Variants in RSPO2 observed in about 807,000 individuals in gnomAD.
RSPO2 encodes R-spondin 2.
In RSPO2, 14 loss-of-function variants were observed where a neutral mutation model predicts 30.9. The observed-to-expected ratio is 0.45, with a 90% CI of 0.30 to 0.71. The LOEUF (loss-of-function observed/expected upper bound fraction) is 0.71, where lower values mean the gene tolerates loss of function less well. Among genes scored for constraint, RSPO2 ranks in the 30% least tolerant of loss-of-function variants. RSPO2 has a pLI of 0.08. For synonymous variants in RSPO2, 107 were observed against 96.4 expected (o/e 1.11, Z -0.64); for missense variants, 264 against 301.9 (o/e 0.87, Z 0.93).
chr8:107,927,258 C>T (rs1473477825), intron 5 of RSPO2, among the ~76,000 whole-genome samples: 1 of 152,168 alleles, frequency 6.6e-6, no homozygotes, highest in Non-Finnish European at 1.5e-5. Flanking sequence ...TATCCTGAGA[C>T]TTTGCTGAAG....
chr8:107,974,791 T>C (rs1814152149), intron 3 of RSPO2, among the ~76,000 whole-genome samples: 2 of 152,094 alleles, frequency 1.3e-5, no homozygotes, highest in Non-Finnish European at 2.9e-5. Context: ...TTAATTAGTT[T>C]AAAGGAACAT....
chr8:107,964,254 C>T (rs1813724537), intron 3 of RSPO2, among the ~76,000 whole-genome samples: 1 of 152,170 alleles, frequency 6.6e-6, no homozygotes, highest in African/African-American at 2.4e-5. Context: ...TTCATTCATT[C>T]ATTTAGAGAC....
chr8:107,984,079 CT>C, intron 3 of RSPO2: 1 of 508,902 alleles, frequency 2.0e-6, no homozygotes, highest in African/African-American at 2.0e-5. Context: ...AATGCTTCAT[CT>C]GGTGGACTGT....
chr8:108,045,238 CAAAT>C (rs1349107254), intron 2 of RSPO2, among the ~76,000 whole-genome samples: 1 of 151,884 alleles, frequency 6.6e-6, no homozygotes, highest in African/African-American at 2.4e-5. Context: ...CAAGAAAAAA[CAAAT>C]AACTCCATTA....
chr8:107,995,960 C>T (rs771541272), intron 2 of RSPO2, among the ~76,000 whole-genome samples: 1 of 151,976 alleles, frequency 6.6e-6, no homozygotes, highest in African/African-American at 2.4e-5. Context: ...CATAGCTGAC[C>T]AAAAATAAGC....
intron 2 of RSPO2, among the ~76,000 whole-genome samples, chr8:108,064,372 A>G (rs10104438): frequency 0.43 from 65,654 of 152,130 alleles, 18,412 homozygotes; most frequent in African/African-American, 0.81. Flanking sequence ...GGATATGAAC[A>G]GATACTTCTC....
Position 107,901,050 on chromosome 8 carries a change from C to G in RSPO2, c.*25G>C, listed in dbSNP as rs747704955. 6.2e-6 allele frequency: 10 copies of G among 1,609,622 alleles called. No individual in the cohort carries two copies. The highest frequency in any genetic ancestry group is 1.7e-5 in the Admixed American group (1 of 58,778). On this transcript the variant is annotated 3_prime_UTR_variant, in exon 6 of 6. Coordinates refer to ENST00000276659, the MANE Select transcript of RSPO2 (RefSeq NM_178565.5). The stretch of plus-strand genomic sequence containing the variant: ...TGCACATTTGCAAAAACAAAAACCC[C>G]TAAAAATCTACCGGATCTCTTGTTT...
intron 5 of RSPO2, among the ~76,000 whole-genome samples, chr8:107,913,598 C>A (rs140554138): frequency 6.6e-6 from 1 of 152,136 alleles, no homozygotes; most frequent in African/African-American, 2.4e-5. Context: ...GCATACCTCA[C>A]GATTATTAGA....
At chr8:107,934,442 G>A (rs1253921965) in intron 5 of RSPO2, among the ~76,000 whole-genome samples, 4 of 150,972 alleles carry the variant, frequency 2.6e-5, no homozygotes, top group Admixed American at 1.3e-4. Context: ...GCATGATCTC[G>A]GCTCACTGCA....
intron 2 of RSPO2, among the ~76,000 whole-genome samples, chr8:108,037,421 CT>C (rs1045920546): frequency 1.3e-5 from 2 of 152,154 alleles, no homozygotes; most frequent in Admixed American, 6.5e-5. Context: ...AAATTTGAAG[CT>C]AGCAGAGGTT....
At chr8:108,069,200 A>AACACACACACAC (rs56977468) in intron 2 of RSPO2, among the ~76,000 whole-genome samples, 26 of 148,368 alleles carry the variant, frequency 1.8e-4, no homozygotes, top group Non-Finnish European at 3.9e-4. Context: ...TGTATGTGTG[A>AACACACACACAC]ACACACACAC....
chr8:107,948,196 T>C (rs1331182087), intron 5 of RSPO2, among the ~76,000 whole-genome samples: 1 of 152,208 alleles, frequency 6.6e-6, no homozygotes, highest in Non-Finnish European at 1.5e-5. Context: ...GGCTATAAAC[T>C]CTCTTGTTTG....
At chr8:107,988,933 A>G in intron 3 of RSPO2, 123 bp downstream of exon 3, 1 of 905,886 alleles carries the variant, frequency 1.1e-6, no homozygotes, top group South Asian at 1.9e-5. Flanking sequence ...CAGCAAGCTT[A>G]AACTATTTCT....
intron 2 of RSPO2, among the ~76,000 whole-genome samples, chr8:108,055,076 G>T (rs1020122668): frequency 1.3e-5 from 2 of 152,114 alleles, no homozygotes; most frequent in Non-Finnish European, 2.9e-5. Flanking sequence ...AGCTGAGATC[G>T]CACCACTGCA....
At chr8:107,904,610 A>G (rs1051915027) in intron 5 of RSPO2, among the ~76,000 whole-genome samples, 3 of 152,076 alleles carry the variant, frequency 2.0e-5, no homozygotes, top group Admixed American at 6.6e-5. Flanking sequence ...AAGGCAATGC[A>G]ATGTGGTTTA....
At chr8:107,970,044 G>A (rs1046717071) in intron 3 of RSPO2, among the ~76,000 whole-genome samples, 1 of 152,048 alleles carries the variant, frequency 6.6e-6, no homozygotes, top group Non-Finnish European at 1.5e-5. Flanking sequence ...AAAACAAGAA[G>A]AATACCTTAA....
intron 5 of RSPO2, among the ~76,000 whole-genome samples, chr8:107,903,967 A>T (rs1811556801): frequency 6.6e-6 from 1 of 152,132 alleles, no homozygotes; most frequent in Non-Finnish European, 1.5e-5. Context: ...GAATACTAAA[A>T]TACAACGTAA....
At chr8:108,082,397 G>T in intron 2 of RSPO2, 148 bp downstream of exon 2, 1 of 623,720 alleles carries the variant, frequency 1.6e-6, no homozygotes, top group Non-Finnish European at 2.8e-6. Context: ...GAGCTCCAGG[G>T]TCCTAAAGGT....
intron 5 of RSPO2, among the ~76,000 whole-genome samples, chr8:107,921,972 T>C (rs1295135208): frequency 1.3e-5 from 2 of 152,178 alleles, no homozygotes; most frequent in East Asian, 1.9e-4. Flanking sequence ...GAGCCATCTA[T>C]GACAAATCCA....
Sources: allele counts gnomAD v4.1 joint callset (sites outside exome capture counted in the v4.1 genomes callset), GRCh38; gene constraint gnomAD v4.1.1; transcripts MANE v1.5; gene names NCBI Gene and HGNC (gene_info 2026-07-23, HGNC 2026-07-21).